The following OCSTAMP variants were observed in gnomAD, a reference collection of about 807,000 sequenced individuals.
OCSTAMP encodes the protein transmembrane protein C20orf123.
OCSTAMP carries 17 observed loss-of-function variants against 25.2 expected under a neutral mutation model. The observed-to-expected ratio is 0.68, with a 90% CI of 0.46 to 1.01. The LOEUF (loss-of-function observed/expected upper bound fraction) is 1.01. Ranked by LOEUF, OCSTAMP falls within the 50% of genes least tolerant of loss-of-function variation. The pLI, the probability that OCSTAMP is intolerant of heterozygous loss-of-function variation, is 0.00. For synonymous variants in OCSTAMP, 345 were observed against 318.9 expected, an observed-to-expected ratio of 1.08 and a Z score of -0.87; for missense variants, 664 against 694.6, an observed-to-expected ratio of 0.96 and a Z score of 0.50.
intron 2 of OCSTAMP, among the ~76,000 whole-genome samples, chr20:46,543,344 T>C (rs79667282): frequency 5.6e-5 from 8 of 143,332 alleles, no homozygotes; most frequent in African/African-American, 1.8e-4. Flanking sequence ...GTTTCTTCCT[T>C]TTTTTTTTTT....
In OCSTAMP at chr20:46,545,836, C is replaced by T; in HGVS notation, c.538G>A (p.Ala180Thr). The T allele has an allele frequency of 3.9e-6, 6 of 1,551,302 alleles. No homozygotes were observed. The highest frequency in any genetic ancestry group is 4.4e-6 in the Non-Finnish European group (5 of 1,146,988). Residue 180 changes from alanine (A) to threonine (T), a missense_variant, in exon 2 of 3, where the codon GCA (alanine) becomes ACA (threonine). By Grantham distance (58) the Ala-to-Thr change is moderately conservative (BLOSUM62 0). Coordinates refer to ENST00000279028, the MANE Select transcript of OCSTAMP (RefSeq NM_080721.3). The stretch of plus-strand genomic sequence containing the variant: ...TCAAATGTCAGGCCCCGGCTGCCTG[C>T]CTGGCCTGTGGGGCCCAGAGCCCTG... ...ASRALGPTGQAGSRGLTFEAQ... is the reference protein window; with the variant it reads ...ASRALGPTGQTGSRGLTFEAQ...
chr20:46,541,294 C>G lies in OCSTAMP; in HGVS notation c.1681G>C (p.Gly561Arg). 1.4e-6 allele frequency: 1 copy of G among 724,420 alleles called. No homozygotes were observed. Among genetic ancestry groups the G allele is most frequent in the Middle Eastern group, 2.3e-4 (1 of 4,386 alleles). 44.9% of individuals were successfully genotyped at this position (724,420 alleles called of 1,614,324 possible). A position where few individuals can be genotyped will look rare whatever the true frequency, so the allele number is the denominator to read the frequency against. The part of the protein sequence containing the change: ...RDVVRMEGNT[G>R]HDRPG ...ACCGGTTATCCAGGCCTATCATGCC[C>G]AGTATTTCCTTCCATCCTGACCACA... The change falls in exon 3 of 3, where the codon GGG becomes CGG. Residue 561 changes from glycine (G) to arginine (R), a missense_variant. Coordinates refer to ENST00000279028, the MANE Select transcript of OCSTAMP (RefSeq NM_080721.3).
intron 2 of OCSTAMP, among the ~76,000 whole-genome samples, chr20:46,543,265 T>TC (rs59336991): frequency 6.8e-5 from 10 of 147,650 alleles, no homozygotes; most frequent in South Asian, 4.4e-4. Context: ...TCCTTCTTTC[T>TC]TTTCTTTCTC....
rs1453524369 is a variant in OCSTAMP at position 46,546,028 on chromosome 20, C to T, written c.346G>A (p.Glu116Lys). 6.4e-6 allele frequency: 10 copies of T among 1,551,476 alleles called. No homozygotes were observed. The highest frequency in any genetic ancestry group is 2.4e-5 in the East Asian group (1 of 40,920). Reference protein sequence around the residue: ...FALSVPTLGMEQGRRLLLSYS... With the variant: ...FALSVPTLGMKQGRRLLLSYS... ...GACAGGAGCAGCCGGCGGCCCTGCT[C>T]CATACCCAGGGTGGGCACGCTGAGT... The change falls in exon 2 of 3, where the codon GAG (glutamate) becomes AAG (lysine). Residue 116 changes from glutamate (E) to lysine (K), a missense_variant. By Grantham distance (56) the Glu-to-Lys change is moderately conservative (BLOSUM62 1). Transcript: ENST00000279028.
At chr20:46,549,833 C>T (rs2061865121) in intron 1 of OCSTAMP, among the ~76,000 whole-genome samples, 1 of 24,534 alleles carries the variant, frequency 4.1e-5, no homozygotes, top group African/African-American at 1.8e-4. Context: ...TGTGTGTAAG[C>T]TGCCCCCATT....
At chr20:46,549,348 C>A (rs1440357454) in intron 1 of OCSTAMP, among the ~76,000 whole-genome samples, 1 of 152,220 alleles carries the variant, frequency 6.6e-6, no homozygotes, top group Admixed American at 6.5e-5. Context: ...TGTGCCCAGG[C>A]TCTGTGCTGA....
chr20:46,544,990 C>A (rs1221534428), intron 2 of OCSTAMP, among the ~76,000 whole-genome samples: 1 of 152,128 alleles, frequency 6.6e-6, no homozygotes, highest in African/African-American at 2.4e-5. Context: ...ACACAATAGC[C>A]TTTTAGGATT....
chr20:46,548,097 T>C (rs2061858614), intron 1 of OCSTAMP, among the ~76,000 whole-genome samples: 1 of 152,190 alleles, frequency 6.6e-6, no homozygotes, highest in Non-Finnish European at 1.5e-5. Flanking sequence ...TCCTCTGATA[T>C]ACGCAGAGCA....
intron 1 of OCSTAMP, among the ~76,000 whole-genome samples, chr20:46,548,769 T>C (rs2061860948): frequency 6.6e-6 from 1 of 152,196 alleles, no homozygotes; most frequent in Non-Finnish European, 1.5e-5. Context: ...GCTTGAAGGA[T>C]AAGCATGTGA....
At chr20:46,547,923 C>G (rs1031430434) in intron 1 of OCSTAMP, among the ~76,000 whole-genome samples, 1 of 152,030 alleles carries the variant, frequency 6.6e-6, no homozygotes, top group Non-Finnish European at 1.5e-5. Context: ...TGGAGTGACA[C>G]CTGTAGGGGT....
At chr20:46,542,831 C>A (rs950553763) in intron 2 of OCSTAMP, among the ~76,000 whole-genome samples, 6 of 152,060 alleles carry the variant, frequency 3.9e-5, no homozygotes, top group Admixed American at 2.6e-4. Flanking sequence ...TTGCCACACC[C>A]CAAATGGTTC....
chr20:46,541,224 T>A lies in OCSTAMP; in HGVS notation c.*50A>T. 1 of 689,262 alleles carries A rather than the reference T, an allele frequency of 1.5e-6. No individual in the cohort carries two copies. The highest frequency in any genetic ancestry group is 2.7e-5 in the East Asian group (1 of 36,962). The allele number at this position is 689,262 out of a possible 1,614,324, so 42.7% of individuals were successfully genotyped here. A position where few individuals can be genotyped will look rare whatever the true frequency, so the allele number is the denominator to read the frequency against. On this transcript the variant is annotated 3_prime_UTR_variant, in exon 3 of 3. Transcript: ENST00000279028. ...ATCGCCAACCAGCCTGGAGGAACCATGAGCTCTCTCTGCACTCCTTGTCTT... is the reference window on the plus strand; with the variant it reads ...ATCGCCAACCAGCCTGGAGGAACCAAGAGCTCTCTCTGCACTCCTTGTCTT...
At chr20:46,542,274 A>G (rs1419053331) in intron 2 of OCSTAMP, among the ~76,000 whole-genome samples, 3 of 152,130 alleles carry the variant, frequency 2.0e-5, no homozygotes, top group African/African-American at 7.2e-5. Context: ...GCCCAGGAGG[A>G]GCCTAATTTA....
Position 46,546,011 on chromosome 20 carries a change from C to T in OCSTAMP, c.363G>A (p.Leu121=). Residue 121 remains leucine, a synonymous_variant, in exon 2 of 3, where the codon CTG becomes CTA. Transcript: ENST00000279028. ...PTLGMEQGRR[L]LLSYSTATLA... is the part of the protein sequence containing the mutation. ...GGGTGGCAGTGCTGTAGGACAGGAG[C>T]AGCCGGCGGCCCTGCTCCATACCCA... 1 of 1,551,360 alleles carries T rather than the reference C, an allele frequency of 6.4e-7. No homozygotes were observed. Among genetic ancestry groups the T allele is most frequent in the South Asian group, 1.2e-5 (1 of 84,044 alleles).
intron 2 of OCSTAMP, 92 bp downstream of exon 2, chr20:46,545,235 A>C: frequency 7.5e-7 from 1 of 1,325,480 alleles, no homozygotes; most frequent in Non-Finnish European, 9.9e-7. Context: ...CTTGGAGGCA[A>C]GTCAAATTTC....
At position 46,548,944 on chromosome 20, in the gene OCSTAMP, C is replaced by G. The variant is rs184100342; in HGVS notation, c.44+1573G>C. Among the ~76,000 whole-genome samples the G allele has an allele frequency of 3.7e-4, 56 of 152,300 alleles. No homozygotes were observed. The South Asian group carries it at 3.9e-3, about 11-fold the overall frequency. On this transcript the variant is annotated intron_variant, in intron 1 of 2. Transcript: ENST00000279028. ...GAGAGCTAAGCTGGTAGGAAGATGC[C>G]TCAAGCCTTGGGGACCACCATGTAG...
chr20:46,547,173 T>C (rs898626170), intron 1 of OCSTAMP, among the ~76,000 whole-genome samples: 1 of 152,130 alleles, frequency 6.6e-6, no homozygotes, highest in African/African-American at 2.4e-5. Context: ...GAGAACTCTG[T>C]GGTCAAAACA....
chr20:46,545,651 C>T lies in OCSTAMP; in HGVS notation c.723G>A (p.Ser241=), dbSNP rs182435240. The part of the protein sequence containing the change: ...GLFMLGLLVE[S]AWYLHCYLTD... ...TCAGGTAGCAATGGAGGTACCATGC[C>T]GACTCCACCAGGAGGCCCAACATAA... The change falls in exon 2 of 3, where the codon TCG becomes TCA. Residue 241 remains serine (S), a synonymous_variant. Coordinates refer to ENST00000279028, the MANE Select transcript of OCSTAMP (RefSeq NM_080721.3). 649 of 1,551,660 alleles carry T rather than the reference C, an allele frequency of 4.2e-4. 2 individuals are homozygous for T. In the African/African-American group the frequency reaches 7.9e-3, roughly 19 times the overall value.
chr20:46,545,012 T>C (rs1056644780), intron 2 of OCSTAMP, among the ~76,000 whole-genome samples: 8 of 152,248 alleles, frequency 5.3e-5, no homozygotes, highest in African/African-American at 1.7e-4. Flanking sequence ...GGAGGATCGA[T>C]TCAATTTGTA....
Sources: gnomAD v4.1 joint callset for allele counts (sites outside exome capture counted in the v4.1 genomes callset) on GRCh38, gnomAD v4.1.1 for gene constraint, MANE v1.5 for transcripts, NCBI Gene and HGNC (gene_info 2026-07-23, HGNC 2026-07-21) for gene names.